The following EIF2D variants were observed in gnomAD, a reference collection of about 807,000 sequenced individuals.
EIF2D encodes hepatocellular carcinoma-associated antigen 56.
Under a neutral mutation model 77.4 loss-of-function variants are expected in EIF2D, and 56 were observed. The ratio of observed to expected loss-of-function variants is 0.72; its 90% CI spans 0.58 to 0.90. The LOEUF (loss-of-function observed/expected upper bound fraction) is 0.90, where lower values mean the gene tolerates loss of function less well. EIF2D is among the 40% of genes least tolerant of loss of function. EIF2D has a pLI of 0.00. For synonymous variants in EIF2D, 230 were observed against 271.0 expected (o/e 0.85, Z 1.49); for missense variants, 574 against 706.5 (o/e 0.81, Z 2.13).
At chr1:206,600,163 G>A (rs1210076395) in intron 8 of EIF2D, 100 bp downstream of exon 8, 5 of 1,226,720 alleles carry the variant, frequency 4.1e-6, no homozygotes, top group South Asian at 1.4e-5. Flanking sequence ...ATTCTAGACT[G>A]AGCCTGGTAG....
intron 5 of EIF2D, 190 bp from the exon 6 acceptor site, chr1:206,603,394 T>C (rs1670028209): frequency 1.6e-6 from 1 of 624,910 alleles, no homozygotes; most frequent in Non-Finnish European, 2.7e-6. Flanking sequence ...GTTCCATGCC[T>C]CAGTTTCTTC....
chr1:206,583,004 G>A (rs1668952959), intron 2 of EIF2D: 3 of 388,142 alleles, frequency 7.7e-6, no homozygotes, highest in Non-Finnish European at 1.5e-5. Flanking sequence ...AGACAAGCCT[G>A]TGCAGTAGGT....
At chr1:206,603,335 G>C in intron 5 of EIF2D, 131 bp from the exon 6 acceptor site, 1 of 1,261,120 alleles carries the variant, frequency 7.9e-7, no homozygotes, top group East Asian at 2.4e-5. Flanking sequence ...AGGGGGCAGA[G>C]AGCCTGTGCC....
chr1:206,595,496 G>A (rs1411579033), intron 13 of EIF2D: 4 of 386,420 alleles, frequency 1.0e-5, no homozygotes, highest in South Asian at 8.2e-5. Context: ...CCAGGCTCTA[G>A]CAAGTTTCCT....
rs114761163 is a variant in EIF2D, at chr1:206,584,314, A to G, written c.139-3152T>C. On this transcript the variant is annotated intron_variant and NMD_transcript_variant, in intron 2 of 5. Coordinates refer to the EIF2D transcript ENST00000472709. This position sits in a 1 kb window ranked among gnomAD's most constrained non-coding sequence, Gnocchi z 4.9. The stretch of plus-strand genomic sequence containing the variant: ...GAGACAGGTGGGTGCTGCTGGGGCA[A>G]TGGCCCCGAGTGGCAGATATGATCA... 1.4e-6 allele frequency: 2 copies of G among 1,458,910 alleles called. No individual in the cohort carries two copies. Among genetic ancestry groups the G allele is most frequent in the African/African-American group, 1.4e-5 (1 of 71,056 alleles). 90.4% of individuals were successfully genotyped at this position (1,458,910 alleles called of 1,614,324 possible).
chr1:206,569,159 A>G (rs1361986940), downstream of EIF2D, among the ~76,000 whole-genome samples: 2 of 152,268 alleles, frequency 1.3e-5, no homozygotes, highest in Non-Finnish European at 2.9e-5. Context: ...ATGAGCAGGC[A>G]AAAAGGCACA....
At chr1:206,585,405 G>A in intron 2 of EIF2D, 2 of 789,884 alleles carry the variant, frequency 2.5e-6, no homozygotes, top group East Asian at 2.5e-5. Context: ...GCACGGGCAG[G>A]AAGGTGACTG....
Position 206,593,772 on chromosome 1 carries a change from C to A in EIF2D, c.1531G>T (p.Glu511Ter). Residue 511 changes from glutamate (E) to a stop codon, truncating the protein, a stop_gained, in exon 14 of 15, where the codon GAG becomes TAG. Coordinates refer to ENST00000271764, the MANE Select transcript of EIF2D (RefSeq NM_006893.3). LOFTEE classifies it high-confidence loss of function. Reference sequence around the variant, plus strand: ...GAGTATGGGTCCAGACCATAGGCCTCCAAGTTCCGGACCACGGTCACCTGG... The same window carrying A: ...GAGTATGGGTCCAGACCATAGGCCTACAAGTTCCGGACCACGGTCACCTGG... The part of the protein sequence containing the change: ...NKKVTVVRNL[E>*]AYGLDPYSVA... 1 of 1,602,054 alleles carries A rather than the reference C, an allele frequency of 6.2e-7. No individual in the cohort carries two copies. Among genetic ancestry groups the A allele is most frequent in the Non-Finnish European group, 8.5e-7 (1 of 1,171,354 alleles).
At position 206,603,134 on chromosome 1, in the gene EIF2D, CT is replaced by C; in HGVS notation, c.600del (p.Glu201ArgfsTer15). 6.2e-7 allele frequency: 1 copy of C among 1,614,166 alleles called. No individual in the cohort carries two copies. Among genetic ancestry groups the C allele is most frequent in the Non-Finnish European group, 8.5e-7 (1 of 1,180,034 alleles). ...PLALDSADLSEEKGSVQMDST... is the reference protein window; with the variant it reads ...PLALDSADLSXEKGSVQMDST... ...GAGTCCATCTGGACAGACCCCTTCT[CT>C]TCACTGAGATCTGCTGAATCCAGGG... On this transcript the variant is annotated frameshift_variant, in exon 6 of 15. Coordinates refer to ENST00000271764, the MANE Select transcript of EIF2D (RefSeq NM_006893.3). LOFTEE classifies it high-confidence loss of function.
Position 206,603,112 on chromosome 1 carries a change from T to G in EIF2D, c.623A>C (p.Asp208Ala), listed in dbSNP as rs1670011651. ...CCTCATGTCTCCCTGCAGGGTGGAG[T>G]CCATCTGGACAGACCCCTTCTCTTC... is the stretch of plus-strand genomic sequence containing the variant. ...LSEEKGSVQM[D>A]STLQGDMRHM... Residue 208 changes from aspartate (D) to alanine (A), a missense_variant, in exon 6 of 15, where the codon GAC (aspartate) becomes GCC (alanine). By Grantham distance (126) the Asp-to-Ala change is moderately radical (BLOSUM62 -2). Coordinates refer to ENST00000271764, the MANE Select transcript of EIF2D (RefSeq NM_006893.3). 1.9e-6 allele frequency: 3 copies of G among 1,613,716 alleles called. No homozygotes were observed. The highest frequency in any genetic ancestry group is 2.2e-5 in the South Asian group (2 of 91,056).
At chr1:206,600,012 C>T (rs1553410979) in intron 8 of EIF2D, among the ~76,000 whole-genome samples, 176 bp from the exon 9 acceptor site, 2 of 152,150 alleles carry the variant, frequency 1.3e-5, no homozygotes, top group East Asian at 1.9e-4. Context: ...CAAGAAGCTG[C>T]TAGAGACTAA....
rs192697992 is a variant in EIF2D, at chr1:206,603,441, C to T, written c.531-237G>A. The T allele has an allele frequency of 3.8e-3, 1,892 of 501,762 alleles. 16 individuals are homozygous for T. Among genetic ancestry groups the T allele is most frequent in the Admixed American group, 0.016 (498 of 30,292 alleles). 31.1% of individuals were successfully genotyped at this position (501,762 alleles called of 1,614,324 possible). On this transcript the variant is annotated intron_variant, in intron 5 of 14. Coordinates refer to ENST00000271764, the MANE Select transcript of EIF2D (RefSeq NM_006893.3). ...GGGGAGAATAAATCTTGTCTCCTCC[C>T]TATCCCAAAAGAATAATACTATTAA... is the stretch of plus-strand genomic sequence containing the variant.
At chr1:206,594,826 T>C (rs1669571666) in intron 13 of EIF2D, 2 of 152,218 alleles carry the variant, frequency 1.3e-5, no homozygotes, top group African/African-American at 4.8e-5. Context: ...ACATAAACTA[T>C]ATATATGAAA....
At chr1:206,591,966 G>T in intron 14 of EIF2D, 121 bp from the exon 15 acceptor site, 2 of 886,160 alleles carry the variant, frequency 2.3e-6, no homozygotes, top group South Asian at 1.4e-5. Context: ...CTTCGGGACT[G>T]ACCACTTACG....
chr1:206,591,907 C>T (rs1669354809), intron 14 of EIF2D, 62 bp from the exon 15 acceptor site: 2 of 1,539,566 alleles, frequency 1.3e-6, no homozygotes, highest in African/African-American at 2.7e-5. Context: ...GCTGGCCCTC[C>T]ACCAGTCCCC....
downstream of EIF2D, chr1:206,586,729 C>T (rs1401264784): frequency 1.1e-6 from 1 of 922,234 alleles, no homozygotes; most frequent in Non-Finnish European, 1.7e-6. Context: ...CGGATGTGAA[C>T]TGGGAAGGGG....
chr1:206,603,168 A>G lies in EIF2D; in HGVS notation c.567T>C (p.Ala189=). The change falls in exon 6 of 15, where the codon GCT becomes GCC. Residue 189 remains alanine (A), a synonymous_variant. Coordinates refer to ENST00000271764, the MANE Select transcript of EIF2D (RefSeq NM_006893.3). The part of the protein sequence containing the change: ...SGNKSSPPSI[A]PLALDSADLS... ...GATCTGCTGAATCCAGGGCCAGTGG[A>G]GCAATGGAAGGTGGAGAGGACTTGT... 1 of 1,614,030 alleles carries G rather than the reference A, an allele frequency of 6.2e-7. No homozygotes were observed. The highest frequency in any genetic ancestry group is 1.1e-5 in the South Asian group (1 of 91,058).
In EIF2D at chr1:206,584,533, C is replaced by A; in HGVS notation, c.139-3371G>T. The A allele has an allele frequency of 6.2e-7, 1 of 1,614,194 alleles. No homozygotes were observed. The highest frequency in any genetic ancestry group is 1.3e-5 in the African/African-American group (1 of 75,052). The stretch of plus-strand genomic sequence containing the variant: ...CGGCTACCACGGACAAGCGGACATC[C>A]TTCTACCTGCCCCTAGATGCCATCA... On this transcript the variant is annotated intron_variant and NMD_transcript_variant, in intron 2 of 5. Transcript: ENST00000472709. This position sits in a 1 kb window ranked among gnomAD's most constrained non-coding sequence, Gnocchi z 4.9.
At chr1:206,591,133 G>A (rs1669325587), downstream of EIF2D, among the ~76,000 whole-genome samples, 1 of 152,184 alleles carries the variant, frequency 6.6e-6, no homozygotes, top group Admixed American at 6.5e-5. Context: ...TGTGTTGGAT[G>A]AGACTCTTCA....
Sources: allele counts gnomAD v4.1 joint callset (sites outside exome capture counted in the v4.1 genomes callset), GRCh38; gene constraint gnomAD v4.1.1; non-coding constraint Gnocchi (gnomAD v3.1); transcripts MANE v1.5; gene names NCBI Gene and HGNC (gene_info 2026-07-23, HGNC 2026-07-21).